Variants in AP4E1 observed in about 807,000 individuals in gnomAD.
The protein encoded by AP4E1 is adaptor related protein complex 4 subunit epsilon 1, also known as AP-4 complex subunit epsilon-1.
In AP4E1, 56 loss-of-function variants were observed where a neutral mutation model predicts 128.2. The ratio of observed to expected loss-of-function variants is 0.44; its 90% CI spans 0.35 to 0.55. The LOEUF is 0.55. Among genes scored for constraint, AP4E1 ranks in the 20% least tolerant of loss-of-function variants. The pLI is 0.00. For missense variants in AP4E1, 1,324 were observed against 1,307.7 expected (o/e 1.01, Z -0.19); for synonymous variants, 484 against 473.1 (o/e 1.02, Z -0.30).
chr15:50,909,078 C>T (rs1819090762), intron 1 of AP4E1, 150 bp downstream of exon 1: 2 of 1,320,414 alleles, frequency 1.5e-6, no homozygotes, highest in Non-Finnish European at 2.0e-6. Context: ...CTTTCGTCTG[C>T]CTGGAAGCTT....
Position 50,929,130 on chromosome 15 carries a change from A to G in AP4E1, c.664A>G (p.Met222Val). The G allele has an allele frequency of 1.2e-6, 2 of 1,613,952 alleles. No homozygotes were observed. The highest frequency in any genetic ancestry group is 1.1e-5 in the South Asian group (1 of 91,072). Residue 222 changes from methionine to valine, a missense_variant, in exon 6 of 21, where the codon ATG becomes GTG. Transcript: ENST00000261842. ...KALCDRDVGVMAASLHIYLRM... is the reference protein window; with the variant it reads ...KALCDRDVGVVAASLHIYLRM... ...ACTTTGTGACAGAGATGTTGGGGTCATGGCTGCCTCCTTGCATATATATCT... is the reference window on the plus strand; with the variant it reads ...ACTTTGTGACAGAGATGTTGGGGTCGTGGCTGCCTCCTTGCATATATATCT...
At chr15:50,923,154 AGTACTT>A (rs2063727139) in intron 3 of AP4E1, among the ~76,000 whole-genome samples, 2 of 152,218 alleles carry the variant, frequency 1.3e-5, no homozygotes, top group Admixed American at 6.5e-5. Flanking sequence ...ATGCTTATAA[AGTACTT>A]GACCCATAGT....
intron 3 of AP4E1, among the ~76,000 whole-genome samples, chr15:50,921,947 T>C (rs1351757742): frequency 6.6e-6 from 1 of 152,046 alleles, no homozygotes; most frequent in African/African-American, 2.4e-5. Context: ...TTTGTTGACC[T>C]TGATATTGGT....
In AP4E1 at chr15:50,984,048, T is replaced by C; in HGVS notation, c.1993T>C (p.Ser665Pro). ...TCTCAATTTTGAACCATATGGACTCTCCTTTTCTTCATCTGGCTTCACTGG... is the reference window on the plus strand; with the variant it reads ...TCTCAATTTTGAACCATATGGACTCCCCTTTTCTTCATCTGGCTTCACTGG... ...KVLNFEPYGL[S>P]FSSSGFTGRQ... Residue 665 changes from serine to proline, a missense_variant, in exon 16 of 21, where the codon TCC becomes CCC. Transcript: ENST00000261842. The C allele has an allele frequency of 2.5e-6, 4 of 1,613,322 alleles. No individual in the cohort carries two copies. The highest frequency in any genetic ancestry group is 3.4e-6 in the Non-Finnish European group (4 of 1,179,380).
intron 15 of AP4E1, among the ~76,000 whole-genome samples, chr15:50,978,879 A>G (rs2064597430): frequency 6.6e-6 from 1 of 152,094 alleles, no homozygotes; most frequent in Non-Finnish European, 1.5e-5. Context: ...GGTCTTGGGG[A>G]GTTTTCACTG....
intron 17 of AP4E1, among the ~76,000 whole-genome samples, chr15:50,996,131 G>A (rs1181347346): frequency 2.0e-5 from 3 of 149,908 alleles, no homozygotes; most frequent in African/African-American, 7.4e-5. Context: ...TGGGATTACA[G>A]GCATGCGCTA....
chr15:50,962,603 C>T (rs976658120), intron 14 of AP4E1, among the ~76,000 whole-genome samples: 4 of 151,726 alleles, frequency 2.6e-5, no homozygotes, highest in Admixed American at 2.6e-4. Flanking sequence ...AAAATCAACC[C>T]ACAATGAATT....
intron 15 of AP4E1, among the ~76,000 whole-genome samples, chr15:50,968,877 C>G (rs917463197): frequency 1.3e-5 from 2 of 151,894 alleles, no homozygotes; most frequent in African/African-American, 4.8e-5. Flanking sequence ...TTTGACCTCC[C>G]AAAGTGCTAG....
At chr15:50,918,665 T>C (rs983462146) in intron 3 of AP4E1, among the ~76,000 whole-genome samples, 1 of 152,180 alleles carries the variant, frequency 6.6e-6, no homozygotes, top group Admixed American at 6.5e-5. Context: ...GATTAATCTT[T>C]CCATTGTTTT....
At chr15:50,920,873 A>G (rs1025363389) in intron 3 of AP4E1, among the ~76,000 whole-genome samples, 1 of 152,230 alleles carries the variant, frequency 6.6e-6, no homozygotes, top group Non-Finnish European at 1.5e-5. Flanking sequence ...ATCTCGGCTT[A>G]CTGCAATCTC....
rs1314325308 is a variant in AP4E1, at chr15:51,005,474, G to A, written c.*2812G>A. 1 of 152,708 alleles carries A rather than the reference G, an allele frequency of 6.5e-6. No individual in the cohort carries two copies. Among genetic ancestry groups the A allele is most frequent in the Non-Finnish European group, 1.5e-5 (1 of 68,088 alleles). The allele number at this position is 152,708 out of a possible 1,614,324, so 9.5% of individuals were successfully genotyped here. On this transcript the variant is annotated 3_prime_UTR_variant, in exon 21 of 21. Coordinates refer to ENST00000261842, the MANE Select transcript of AP4E1 (RefSeq NM_007347.5). ...GAAAGTGGGCCTGAGTAAGGGTCCT[G>A]CTAGAGAAACTGCAGATGGAAGCTG...
intron 3 of AP4E1, among the ~76,000 whole-genome samples, chr15:50,919,456 T>C (rs2063667592): frequency 6.6e-6 from 1 of 151,864 alleles, no homozygotes; most frequent in Non-Finnish European, 1.5e-5. Context: ...CACTTGAACC[T>C]GGGAGGCGGA....
intron 3 of AP4E1, among the ~76,000 whole-genome samples, chr15:50,921,594 G>T (rs1034689586): frequency 2.0e-5 from 3 of 151,744 alleles, no homozygotes; most frequent in African/African-American, 7.3e-5. Context: ...CGAGTGATCC[G>T]CCTGCCTCAG....
chr15:50,965,782 C>T (rs1410760744), intron 14 of AP4E1, among the ~76,000 whole-genome samples: 3 of 152,204 alleles, frequency 2.0e-5, no homozygotes, highest in Admixed American at 2.0e-4. Context: ...TTAAAGTCTT[C>T]ACCATTTTGG....
At chr15:50,999,703 CT>C (rs201661330) in intron 19 of AP4E1, among the ~76,000 whole-genome samples, 27 of 151,932 alleles carry the variant, frequency 1.8e-4, no homozygotes, top group Admixed American at 4.6e-4. Flanking sequence ...AGTTATTAAA[CT>C]TTTTTTTATT....
intron 14 of AP4E1, among the ~76,000 whole-genome samples, chr15:50,964,373 G>T (rs1187468808): frequency 6.7e-6 from 1 of 148,416 alleles, no homozygotes; most frequent in African/African-American, 2.5e-5. Context: ...ATCATGAATT[G>T]TTTTCTTGAT....
chr15:50,908,374 C>T (rs1252264495), upstream of AP4E1, among the ~76,000 whole-genome samples: 1 of 152,118 alleles, frequency 6.6e-6, no homozygotes, highest in Non-Finnish European at 1.5e-5. Context: ...AAAGGCGCAG[C>T]CAGGAAGACG....
chr15:50,952,544 G>A (rs1007853351), intron 13 of AP4E1, among the ~76,000 whole-genome samples: 7 of 150,556 alleles, frequency 4.6e-5, no homozygotes, highest in African/African-American at 9.7e-5. Context: ...ACAGTAATTC[G>A]TTAATATCAC....
chr15:50,922,043 G>A (rs1164809866), intron 3 of AP4E1, among the ~76,000 whole-genome samples: 4 of 151,584 alleles, frequency 2.6e-5, no homozygotes, highest in Non-Finnish European at 1.5e-5. Flanking sequence ...GCTTTCTGGG[G>A]GCCTGGGTGT....
Sources: gnomAD v4.1 joint callset for allele counts (sites outside exome capture counted in the v4.1 genomes callset) on GRCh38, gnomAD v4.1.1 for gene constraint, MANE v1.5 for transcripts, NCBI Gene and HGNC (gene_info 2026-07-23, HGNC 2026-07-21) for gene names.